The following FAM13A variants were observed in gnomAD, a reference collection of about 807,000 sequenced individuals.
FAM13A encodes the protein protein FAM13A.
A neutral mutation model predicts 129.6 loss-of-function variants in FAM13A; 76 were observed. The ratio of observed to expected loss-of-function variants is 0.59; its 90% CI spans 0.49 to 0.71. The LOEUF (loss-of-function observed/expected upper bound fraction) is 0.71. Among genes scored for constraint, FAM13A ranks in the 30% least tolerant of loss-of-function variants. The pLI is 0.00. For missense variants in FAM13A, 1,108 were observed against 1,249.3 expected (o/e 0.89, Z 1.70); for synonymous variants, 443 against 449.9 (o/e 0.98, Z 0.20).
chr4:89,039,942 G>T (rs2149155620), intron 1 of FAM13A, among the ~76,000 whole-genome samples: 1 of 150,824 alleles, frequency 6.6e-6, no homozygotes, highest in East Asian at 2.0e-4. Context: ...GACAGAGCAA[G>T]ACACTGTCTC....
At position 89,040,550 on chromosome 4, in the gene FAM13A, A is replaced by G. The variant is rs2149157462; in HGVS notation, c.28-10901T>C. On this transcript the variant is annotated intron_variant, in intron 1 of 23. Transcript: ENST00000264344. ...GACATAGACAATCATACTAGCTTGGATAAGGTTGGCATCATTGGGAAAGGA... is the reference window on the plus strand; with the variant it reads ...GACATAGACAATCATACTAGCTTGGGTAAGGTTGGCATCATTGGGAAAGGA... Among the ~76,000 whole-genome samples the G allele has an allele frequency of 2.6e-5, 4 of 152,326 alleles. 1 individual carries two copies. The Middle Eastern group carries it at 0.01, about 389-fold the overall frequency.
In FAM13A at chr4:88,845,547, G is replaced by T. The variant is rs537915531; in HGVS notation, c.1007+5473C>A. Reference sequence around the variant, plus strand: ...GCAGGAGGAAGCAATACAGGAAATAGAATTTTCAAGAATCTGTGAAGCACC... The same window carrying T: ...GCAGGAGGAAGCAATACAGGAAATATAATTTTCAAGAATCTGTGAAGCACC... On this transcript the variant is annotated intron_variant, in intron 7 of 23. Coordinates refer to ENST00000264344, the MANE Select transcript of FAM13A (RefSeq NM_014883.4). 6.6e-5 allele frequency among the ~76,000 whole-genome samples: 10 copies of T among 152,188 alleles called. No homozygotes were observed. The South Asian group carries it at 1.9e-3, about 28-fold the overall frequency.
chr4:88,951,193 A>G (rs561996874), intron 4 of FAM13A, among the ~76,000 whole-genome samples: 1 of 152,284 alleles, frequency 6.6e-6, no homozygotes, highest in Non-Finnish European at 1.5e-5. Context: ...TAGATGATAT[A>G]TCAGATCCCC....
intron 4 of FAM13A, among the ~76,000 whole-genome samples, chr4:88,946,951 G>C (rs917770174): frequency 6.6e-6 from 1 of 152,130 alleles, no homozygotes; most frequent in African/African-American, 2.4e-5. Flanking sequence ...AGGACATGTT[G>C]AAACTGCAAC....
chr4:88,930,851 T>A (rs1182123352), intron 5 of FAM13A, among the ~76,000 whole-genome samples: 1 of 152,138 alleles, frequency 6.6e-6, no homozygotes, highest in African/African-American at 2.4e-5. Context: ...GGCAGCCTAT[T>A]CTGCAGTCCC....
intron 6 of FAM13A, among the ~76,000 whole-genome samples, chr4:88,892,117 T>C (rs1745413134): frequency 1.3e-5 from 2 of 150,630 alleles, no homozygotes; most frequent in Admixed American, 6.6e-5. Context: ...GAGGTTTCAG[T>C]GAGCTAAGAT....
Position 88,938,245 on chromosome 4 carries a change from GA to G in FAM13A, c.606-5del. The G allele has an allele frequency of 6.3e-7, 1 of 1,596,074 alleles. No homozygotes were observed. The highest frequency in any genetic ancestry group is 8.5e-7 in the Non-Finnish European group (1 of 1,173,454). ...GCCTTCAAGCCCAGGTGGCACACTA[GA>G]AACAAGAAAGGGAAAGAGAGGAATT... On this transcript the variant is annotated splice_polypyrimidine_tract_variant and splice_region_variant and intron_variant, in intron 4 of 23. Coordinates refer to ENST00000264344, the MANE Select transcript of FAM13A (RefSeq NM_014883.4).
chr4:88,925,140 A>G lies in FAM13A; in HGVS notation c.759+12948T>C, dbSNP rs375639096. Among the ~76,000 whole-genome samples, 164 of 151,536 alleles carry G rather than the reference A, an allele frequency of 1.1e-3. 8 individuals carry two copies. The highest frequency in any genetic ancestry group is 0.011 in the East Asian group (55 of 5,106). Reference sequence around the variant, plus strand: ...AACTAGTTCAACCATTGTGGAAGTCAGTGTGGCGATTCCTCAGGGATCTAG... The same window carrying G: ...AACTAGTTCAACCATTGTGGAAGTCGGTGTGGCGATTCCTCAGGGATCTAG... On this transcript the variant is annotated intron_variant, in intron 5 of 23. Coordinates refer to ENST00000264344, the MANE Select transcript of FAM13A (RefSeq NM_014883.4).
chr4:89,026,471 TAAAG>T (rs1274503331), intron 2 of FAM13A, among the ~76,000 whole-genome samples: 1 of 152,168 alleles, frequency 6.6e-6, no homozygotes, highest in Non-Finnish European at 1.5e-5. Flanking sequence ...AATTTTGTCA[TAAAG>T]AACTGCCTGA....
At chr4:88,938,023 GAATTA>G (rs1377754436) in intron 5 of FAM13A, 60 bp downstream of exon 5, 6 of 1,257,160 alleles carry the variant, frequency 4.8e-6, no homozygotes, top group Admixed American at 3.5e-5. Flanking sequence ...TTATGAGAAA[GAATTA>G]AATAAAATCT....
intron 7 of FAM13A, among the ~76,000 whole-genome samples, chr4:88,812,266 T>C (rs1235773833): frequency 6.6e-6 from 1 of 152,170 alleles, no homozygotes; most frequent in Non-Finnish European, 1.5e-5. Context: ...ATTGTACGGA[T>C]TATGTCTCAA....
chr4:88,763,932 T>C (rs556958510), intron 13 of FAM13A, among the ~76,000 whole-genome samples: 1 of 152,208 alleles, frequency 6.6e-6, no homozygotes, highest in South Asian at 2.1e-4. Flanking sequence ...TTGAAGTAAA[T>C]AGAGCTTGTT....
chr4:88,956,650 C>T (rs1171890102), intron 4 of FAM13A, among the ~76,000 whole-genome samples: 2 of 152,098 alleles, frequency 1.3e-5, no homozygotes, highest in East Asian at 3.9e-4. Context: ...GTTCTAGAGG[C>T]CAGAAGTCCA....
chr4:88,769,320 C>A (rs929692323), intron 11 of FAM13A, among the ~76,000 whole-genome samples: 1 of 152,122 alleles, frequency 6.6e-6, no homozygotes, highest in Non-Finnish European at 1.5e-5. Context: ...CAGTTTGACA[C>A]CCTGGGCTCC....
intron 3 of FAM13A, among the ~76,000 whole-genome samples, chr4:89,002,538 T>G (rs907521999): frequency 3.3e-5 from 5 of 152,114 alleles, no homozygotes; most frequent in Non-Finnish European, 7.4e-5. Context: ...CTTGATGAAC[T>G]CAGTAGCTGA....
chr4:88,794,332 C>A (rs1725745387), intron 8 of FAM13A, among the ~76,000 whole-genome samples: 1 of 151,976 alleles, frequency 6.6e-6, no homozygotes, highest in South Asian at 2.1e-4. Context: ...AGATTCTAAG[C>A]CTACTTTGAA....
intron 4 of FAM13A, among the ~76,000 whole-genome samples, chr4:88,956,073 G>A (rs1757714556): frequency 6.6e-6 from 1 of 152,142 alleles, no homozygotes. Context: ...AATATATTTA[G>A]TATAGCCTAA....
chr4:88,984,039 A>G (rs1427596462), intron 4 of FAM13A, among the ~76,000 whole-genome samples: 3 of 152,202 alleles, frequency 2.0e-5, no homozygotes, highest in Non-Finnish European at 2.9e-5. Flanking sequence ...GAGTGCTGAG[A>G]TAATTCAATG....
chr4:88,987,157 A>G (rs7697075), intron 4 of FAM13A, among the ~76,000 whole-genome samples: 102,611 of 151,994 alleles, frequency 0.68, 34,684 homozygotes, highest in Middle Eastern at 0.79. Context: ...GAGCACAGGA[A>G]AATTTAATGT....
Sources: allele counts gnomAD v4.1 joint callset (sites outside exome capture counted in the v4.1 genomes callset), GRCh38; gene constraint gnomAD v4.1.1; transcripts MANE v1.5; gene names NCBI Gene and HGNC (gene_info 2026-07-23, HGNC 2026-07-21).